The following MEGF11 variants were observed in gnomAD, a reference collection of about 807,000 sequenced individuals.
MEGF11 encodes the protein multiple epidermal growth factor-like domains protein 11.
A neutral mutation model predicts 146.6 loss-of-function variants in MEGF11; 126 were observed. That is an observed-to-expected ratio of 0.86 (90% CI 0.74 to 1.00). The LOEUF is 1.00. Ranked by LOEUF, MEGF11 falls within the 50% of genes least tolerant of loss-of-function variation. MEGF11 has a pLI of 0.00. For synonymous variants in MEGF11, 532 were observed against 583.4 expected (o/e 0.91, Z 1.27); for missense variants, 1,509 against 1,521.2 (o/e 0.99, Z 0.13).
Position 66,233,974 on chromosome 15 carries a change from G to T in MEGF11, c.-9+19631C>A, listed in dbSNP as rs544700117. On this transcript the variant is annotated intron_variant, in intron 1 of 25. Coordinates refer to ENST00000395614, the MANE Select transcript of MEGF11 (RefSeq NM_001385028.1). ...TTCTTTTTTTTTTTTTTTTGAGATG[G>T]TGTTTTGCTCTGTCACCCAGGCTGG... 2.2e-4 allele frequency among the ~76,000 whole-genome samples: 29 copies of T among 131,832 alleles called. No individual in the cohort carries two copies. The East Asian group carries it at 4.5e-3, about 20-fold the overall frequency. 86.5% of individuals were successfully genotyped at this position (131,832 alleles called of 152,430 possible).
chr15:66,218,802 T>C (rs1203144469), intron 1 of MEGF11, among the ~76,000 whole-genome samples: 1 of 152,056 alleles, frequency 6.6e-6, no homozygotes, highest in Non-Finnish European at 1.5e-5. Context: ...CCCCATCTGT[T>C]GATGGCTTGC....
intron 5 of MEGF11, among the ~76,000 whole-genome samples, chr15:66,047,955 T>TG (rs1428066039): frequency 6.8e-6 from 1 of 147,692 alleles, no homozygotes; most frequent in Non-Finnish European, 1.5e-5. Context: ...GGAGGAGTGT[T>TG]TTTTTTTTTT....
intron 1 of MEGF11, among the ~76,000 whole-genome samples, chr15:66,129,333 C>T (rs752429061): frequency 1.3e-5 from 2 of 152,210 alleles, no homozygotes; most frequent in Non-Finnish European, 2.9e-5. Context: ...GGGTCGCTGA[C>T]CTTGAGGGGT....
chr15:65,977,442 T>G (rs1175275038), intron 7 of MEGF11, among the ~76,000 whole-genome samples: 2 of 150,790 alleles, frequency 1.3e-5, no homozygotes, highest in East Asian at 2.0e-4. Context: ...TGAGCATCTG[T>G]GATGCTAGGC....
intron 5 of MEGF11, among the ~76,000 whole-genome samples, chr15:65,993,090 C>A (rs2082103945): frequency 6.6e-6 from 1 of 152,208 alleles, no homozygotes. Context: ...CTGATGCCAC[C>A]TACCTGCGCT....
At chr15:66,211,431 G>A (rs890934689) in intron 1 of MEGF11, among the ~76,000 whole-genome samples, 1 of 151,206 alleles carries the variant, frequency 6.6e-6, no homozygotes, top group Admixed American at 6.6e-5. Flanking sequence ...GGCTGAGGCA[G>A]GAAAATGGCG....
chr15:66,124,469 C>A (rs959963320), intron 2 of MEGF11, among the ~76,000 whole-genome samples: 2 of 152,136 alleles, frequency 1.3e-5, no homozygotes, highest in African/African-American at 4.8e-5. Context: ...AAGTGACTTG[C>A]CCAGCTCACA....
intron 1 of MEGF11, among the ~76,000 whole-genome samples, chr15:66,168,486 G>A (rs2090159408): frequency 1.3e-5 from 2 of 152,160 alleles, no homozygotes; most frequent in African/African-American, 4.8e-5. Context: ...TGGTTACTGA[G>A]CACTTGATGT....
At chr15:65,906,411 C>T (rs2078630618) in intron 23 of MEGF11, among the ~76,000 whole-genome samples, 1 of 152,206 alleles carries the variant, frequency 6.6e-6, no homozygotes, top group African/African-American at 2.4e-5. Flanking sequence ...ATATTCAGCA[C>T]TCCTTCCCTT....
intron 10 of MEGF11, 59 bp from the exon 11 acceptor site, chr15:65,931,002 T>C: frequency 6.8e-7 from 1 of 1,464,882 alleles, no homozygotes; most frequent in South Asian, 1.4e-5. Flanking sequence ...ATGGCTGTGG[T>C]AGGCAGGATA....
intron 4 of MEGF11, among the ~76,000 whole-genome samples, chr15:66,109,874 T>C (rs2087299208): frequency 6.6e-6 from 1 of 152,198 alleles, no homozygotes; most frequent in Non-Finnish European, 1.5e-5. Context: ...CAGTGGTTTA[T>C]CAGTACTCAG....
rs551758935 is a variant in MEGF11 at position 66,124,997 on chromosome 15, G to A, written c.99-997C>T. 2.6e-5 allele frequency among the ~76,000 whole-genome samples: 4 copies of A among 152,390 alleles called. No homozygotes were observed. In the South Asian group the frequency reaches 8.3e-4, roughly 32 times the overall value. On this transcript the variant is annotated intron_variant, in intron 2 of 25. Coordinates refer to ENST00000395614, the MANE Select transcript of MEGF11 (RefSeq NM_001385028.1). ...TGGGCCAGATGGCCGGGTCCAGGCTGTAAAGCACGTCTGCCTTGCCTGAGG... is the reference window on the plus strand; with the variant it reads ...TGGGCCAGATGGCCGGGTCCAGGCTATAAAGCACGTCTGCCTTGCCTGAGG...
chr15:65,934,996 C>G lies in MEGF11; in HGVS notation c.1288-4053G>C, dbSNP rs570466644. 3.3e-5 allele frequency among the ~76,000 whole-genome samples: 5 copies of G among 152,184 alleles called. No homozygotes were observed. In the East Asian group the frequency reaches 7.7e-4, roughly 24 times the overall value. The stretch of plus-strand genomic sequence containing the variant: ...TTAATTGAACCCAGGGAGGGAGTTG[C>G]AGGAACCCCGATTTATAGCCCATCA... On this transcript the variant is annotated intron_variant, in intron 10 of 25. Coordinates refer to ENST00000395614, the MANE Select transcript of MEGF11 (RefSeq NM_001385028.1).
At chr15:65,915,923 G>C (rs1169030830) in intron 18 of MEGF11, among the ~76,000 whole-genome samples, 1 of 152,074 alleles carries the variant, frequency 6.6e-6, no homozygotes. Flanking sequence ...CTCATTACTT[G>C]CTATGACCTC....
At chr15:66,001,119 A>T in intron 5 of MEGF11, among the ~76,000 whole-genome samples, 1 of 152,166 alleles carries the variant, frequency 6.6e-6, no homozygotes, top group East Asian at 1.9e-4. Context: ...GAGGATGTCT[A>T]GAGTTAGGAT....
chr15:66,119,012 C>T (rs2087874247), intron 4 of MEGF11, 74 bp downstream of exon 4: 4 of 968,744 alleles, frequency 4.1e-6, no homozygotes, highest in African/African-American at 3.3e-5. Context: ...TCAGCCCCAC[C>T]TCCCCTCCCC....
chr15:65,963,185 A>G (rs1052197185), intron 9 of MEGF11, among the ~76,000 whole-genome samples: 2 of 152,114 alleles, frequency 1.3e-5, no homozygotes, highest in African/African-American at 4.8e-5. Flanking sequence ...GGAGCGACAG[A>G]TTCTGGAATC....
At chr15:66,083,038 G>A (rs2140563837) in intron 5 of MEGF11, among the ~76,000 whole-genome samples, 1 of 152,284 alleles carries the variant, frequency 6.6e-6, no homozygotes, top group East Asian at 1.9e-4. Context: ...CTGTGGTGTT[G>A]CCATTTTCAT....
intron 1 of MEGF11, among the ~76,000 whole-genome samples, chr15:66,143,080 G>A (rs144795536): frequency 1.4e-3 from 213 of 152,326 alleles, no homozygotes; most frequent in Non-Finnish European, 2.6e-3. Flanking sequence ...GGAGGGGTGC[G>A]TCCTAGTGCT....
Sources: allele counts gnomAD v4.1 joint callset (sites outside exome capture counted in the v4.1 genomes callset), GRCh38; gene constraint gnomAD v4.1.1; transcripts MANE v1.5; gene names NCBI Gene and HGNC (gene_info 2026-07-23, HGNC 2026-07-21).